XKR8: variants seen among roughly 807,000 people sequenced by gnomAD.
XKR8 encodes XK-related protein 8.
A neutral mutation model predicts 17.1 loss-of-function variants in XKR8; 10 were observed. The ratio of observed to expected loss-of-function variants is 0.59; its 90% CI spans 0.36 to 0.99. The LOEUF (loss-of-function observed/expected upper bound fraction) is 0.99. XKR8 is among the 50% of genes least tolerant of loss of function. XKR8 has a pLI of 0.01. For missense variants in XKR8, 411 were observed against 515.6 expected, an observed-to-expected ratio of 0.80 and a Z score of 1.96; for synonymous variants, 213 against 251.9, an observed-to-expected ratio of 0.85 and a Z score of 1.46.
chr1:27,963,511 T>TGCGGCAGGGGCTGCTGGTGTG lies in XKR8; in HGVS notation c.311_331dup (p.Arg104_Trp110dup), dbSNP rs1638510187. The TGCGGCAGGGGCTGCTGGTGTG allele has an allele frequency of 6.2e-7, 1 of 1,611,768 alleles. No homozygotes were observed. Among genetic ancestry groups the TGCGGCAGGGGCTGCTGGTGTG allele is most frequent in the Non-Finnish European group, 8.5e-7 (1 of 1,178,790 alleles). ...GTGGTGCCTAGGTGCGTGCAGGAGC[T>TGCGGCAGGGGCTGCTGGTGTG]GCGGCAGGGGCTGCTGGTGTGGCAG... On this transcript the variant is annotated inframe_insertion, in exon 2 of 3. Coordinates refer to ENST00000373884, the MANE Select transcript of XKR8 (RefSeq NM_018053.4).
In XKR8 at chr1:27,960,121, C is replaced by G. The variant is rs982982227; in HGVS notation, c.52C>G (p.Leu18Val). The G allele has an allele frequency of 8.0e-5, 122 of 1,516,798 alleles. No homozygotes were observed. Among genetic ancestry groups the G allele is most frequent in the Non-Finnish European group, 1.0e-4 (116 of 1,139,396 alleles). 94.0% of individuals were successfully genotyped at this position (1,516,798 alleles called of 1,614,324 possible). ...ALLRDLVLGVLGTAAFLLDLG... is the reference protein window; with the variant it reads ...ALLRDLVLGVVGTAAFLLDLG... ...CCTTCGGGACCTGGTCCTGGGCGTG[C>G]TGGGCACCGCCGCCTTCCTGCTCGA... The change falls in exon 1 of 3, where the codon CTG (leucine) becomes GTG (valine). Residue 18 changes from leucine to valine, a missense_variant. Leu to Val is a conservative substitution (Grantham distance 32, BLOSUM62 1). Coordinates refer to ENST00000373884, the MANE Select transcript of XKR8 (RefSeq NM_018053.4). The surrounding 1 kb of genome is among the most constrained non-coding windows in gnomAD (Gnocchi z 5.9).
At chr1:27,961,085 C>T (rs1019703129) in intron 1 of XKR8, among the ~76,000 whole-genome samples, 1 of 152,224 alleles carries the variant, frequency 6.6e-6, no homozygotes, top group African/African-American at 2.4e-5. Flanking sequence ...TCACAAAGGC[C>T]GCCTCTCACC....
rs921559896 is a variant in XKR8 at position 27,967,980 on chromosome 1, A to T, written c.*780A>T. 19 of 152,672 alleles carry T rather than the reference A, an allele frequency of 1.2e-4. No individual in the cohort carries two copies. Among genetic ancestry groups the T allele is most frequent in the African/African-American group, 4.3e-4 (18 of 41,502 alleles). The allele number at this position is 152,672 out of a possible 1,614,324, so 9.5% of individuals were successfully genotyped here. Reference sequence around the variant, plus strand: ...TTTTGCCTTAGCCAGTGTACCTCCTACCTCAGTCTATGTGAGAGGAAGAGA... The same window carrying T: ...TTTTGCCTTAGCCAGTGTACCTCCTTCCTCAGTCTATGTGAGAGGAAGAGA... On this transcript the variant is annotated 3_prime_UTR_variant, in exon 3 of 3. Transcript: ENST00000373884. This position sits in a 1 kb window ranked among gnomAD's most constrained non-coding sequence, Gnocchi z 4.3.
In XKR8 at chr1:27,960,103, G is replaced by A; in HGVS notation, c.34G>A (p.Asp12Asn). The A allele has an allele frequency of 4.0e-6, 6 of 1,497,638 alleles. No individual in the cohort carries two copies. The highest frequency in any genetic ancestry group is 5.3e-6 in the Non-Finnish European group (6 of 1,129,878). 92.8% of individuals were successfully genotyped at this position (1,497,638 alleles called of 1,614,324 possible). A position where few individuals can be genotyped will look rare whatever the true frequency, so the allele number is the denominator to read the frequency against. ...GTCGTCCCGCGGCGCCCTCCTTCGGGACCTGGTCCTGGGCGTGCTGGGCAC... is the reference window on the plus strand; with the variant it reads ...GTCGTCCCGCGGCGCCCTCCTTCGGAACCTGGTCCTGGGCGTGCTGGGCAC... ...PWSSRGALLR[D>N]LVLGVLGTAA... Residue 12 changes from aspartate (D) to asparagine (N), a missense_variant, in exon 1 of 3, where the codon GAC (aspartate) becomes AAC (asparagine). By Grantham distance (23) the Asp-to-Asn change is conservative. Coordinates refer to ENST00000373884, the MANE Select transcript of XKR8 (RefSeq NM_018053.4). This position sits in a 1 kb window ranked among gnomAD's most constrained non-coding sequence, Gnocchi z 5.9.
chr1:27,967,304 C>T lies in XKR8; in HGVS notation c.*104C>T, dbSNP rs1638597170. 7.7e-7 allele frequency: 1 copy of T among 1,297,256 alleles called. No individual in the cohort carries two copies. The highest frequency in any genetic ancestry group is 1.0e-6 in the Non-Finnish European group (1 of 958,034). 80.4% of individuals were successfully genotyped at this position (1,297,256 alleles called of 1,614,324 possible). ...GGATAAGCTAACGATGCTGCTGTGGCCTCTATGCACTCAGCAAGAGCGGGA... is the reference window on the plus strand; with the variant it reads ...GGATAAGCTAACGATGCTGCTGTGGTCTCTATGCACTCAGCAAGAGCGGGA... On this transcript the variant is annotated 3_prime_UTR_variant, in exon 3 of 3. Transcript: ENST00000373884. This position sits in a 1 kb window ranked among gnomAD's most constrained non-coding sequence, Gnocchi z 4.3.
rs756233301 is a variant in XKR8, at chr1:27,963,501, G to A, written c.298G>A (p.Val100Met). 20 of 1,609,744 alleles carry A rather than the reference G, an allele frequency of 1.2e-5. No homozygotes were observed. The highest frequency in any genetic ancestry group is 8.9e-5 in the East Asian group (4 of 44,902). Residue 100 changes from valine (V) to methionine (M), a missense_variant, in exon 2 of 3, where the codon GTG (valine) becomes ATG (methionine). Transcript: ENST00000373884. ...LLQLGYLYRC[V>M]QELRQGLLVW... Reference sequence around the variant, plus strand: ...GCATTTGTGTGTGGTGCCTAGGTGCGTGCAGGAGCTGCGGCAGGGGCTGCT... The same window carrying A: ...GCATTTGTGTGTGGTGCCTAGGTGCATGCAGGAGCTGCGGCAGGGGCTGCT...
chr1:27,965,599 C>T lies in XKR8; in HGVS notation c.491-904C>T, dbSNP rs190505918. ...GGGGAAGTGGGGCCTGTGCTTCTGGCGACCTAACATCCTGGGCAGAGCTTG... is the reference window on the plus strand; with the variant it reads ...GGGGAAGTGGGGCCTGTGCTTCTGGTGACCTAACATCCTGGGCAGAGCTTG... On this transcript the variant is annotated intron_variant, in intron 2 of 2. Transcript: ENST00000373884. The surrounding 1 kb of genome is among the most constrained non-coding windows in gnomAD (Gnocchi z 4.1). Among the ~76,000 whole-genome samples the T allele has an allele frequency of 6.6e-5, 10 of 152,128 alleles. No individual in the cohort carries two copies. The highest frequency in any genetic ancestry group is 5.2e-4 in the Admixed American group (8 of 15,264).
At position 27,960,043 on chromosome 1, in the gene XKR8, G is replaced by A; in HGVS notation, c.-27G>A. The A allele has an allele frequency of 7.1e-7, 1 of 1,399,468 alleles. No homozygotes were observed. The highest frequency in any genetic ancestry group is 9.2e-7 in the Non-Finnish European group (1 of 1,082,238). The allele number at this position is 1,399,468 out of a possible 1,614,324, so 86.7% of individuals were successfully genotyped here. A position where few individuals can be genotyped will look rare whatever the true frequency, so the allele number is the denominator to read the frequency against. ...GAGGGCAGGCCCCAACCGCGGAGGA[G>A]CAGGAGAGGGCGGAGGCCGGCGGGC... On this transcript the variant is annotated 5_prime_UTR_variant, in exon 1 of 3. Transcript: ENST00000373884. This position sits in a 1 kb window ranked among gnomAD's most constrained non-coding sequence, Gnocchi z 5.9.
In XKR8 at chr1:27,967,341, G is replaced by A; in HGVS notation, c.*141G>A. 2 of 973,232 alleles carry A rather than the reference G, an allele frequency of 2.1e-6. No homozygotes were observed. The highest frequency in any genetic ancestry group is 3.6e-5 in the South Asian group (2 of 54,862). The allele number at this position is 973,232 out of a possible 1,614,324, so 60.3% of individuals were successfully genotyped here. A position where few individuals can be genotyped will look rare whatever the true frequency, so the allele number is the denominator to read the frequency against. On this transcript the variant is annotated 3_prime_UTR_variant, in exon 3 of 3. Transcript: ENST00000373884. The surrounding 1 kb of genome is among the most constrained non-coding windows in gnomAD (Gnocchi z 4.3). The stretch of plus-strand genomic sequence containing the variant: ...CAGCAAGAGCGGGACGCCTGTGCTG[G>A]GCCGGGCACCAGGGATGGTGCTGAG...
At chr1:27,962,521 C>T (rs547794975) in intron 1 of XKR8, among the ~76,000 whole-genome samples, 3 of 151,626 alleles carry the variant, frequency 2.0e-5, no homozygotes, top group Admixed American at 1.3e-4. Context: ...TGCAGTGAGC[C>T]GAGTTTGTGC....
chr1:27,961,661 C>T (rs1638472098), intron 1 of XKR8, among the ~76,000 whole-genome samples: 1 of 152,236 alleles, frequency 6.6e-6, no homozygotes, highest in South Asian at 2.1e-4. Flanking sequence ...CTGTTCCTGC[C>T]TGTGAATTGG....
chr1:27,966,389 G>T lies in XKR8; in HGVS notation c.491-114G>T. 1 of 1,032,658 alleles carries T rather than the reference G, an allele frequency of 9.7e-7. No individual in the cohort carries two copies. 64.0% of individuals were successfully genotyped at this position (1,032,658 alleles called of 1,614,324 possible). A position where few individuals can be genotyped will look rare whatever the true frequency, so the allele number is the denominator to read the frequency against. ...TGCAGATTTGCCTTCAACAAACGAG[G>T]GATTCTAATACCTACCCCAGGGTTG... On this transcript the variant is annotated intron_variant, in intron 2 of 2. Coordinates refer to ENST00000373884, the MANE Select transcript of XKR8 (RefSeq NM_018053.4). This position sits in a 1 kb window ranked among gnomAD's most constrained non-coding sequence, Gnocchi z 4.3.
At chr1:27,961,690 C>G (rs1462880971) in intron 1 of XKR8, among the ~76,000 whole-genome samples, 2 of 152,198 alleles carry the variant, frequency 1.3e-5, no homozygotes, top group African/African-American at 4.8e-5. Context: ...GGGGTCCCTG[C>G]TAGGTCACTG....
intron 1 of XKR8, among the ~76,000 whole-genome samples, chr1:27,962,073 T>G (rs545851137): frequency 1.3e-5 from 2 of 151,994 alleles, no homozygotes; most frequent in Non-Finnish European, 2.9e-5. Context: ...CAAGGCAGAG[T>G]CTGATTCCAT....
At position 27,967,634 on chromosome 1, in the gene XKR8, T is replaced by G; in HGVS notation, c.*434T>G. ...AGGGGCTGTCCTCTAGAATTCTTCC[T>G]TCCCTCCCCCACACCATTCATTCAA... On this transcript the variant is annotated 3_prime_UTR_variant, in exon 3 of 3. Transcript: ENST00000373884. The surrounding 1 kb of genome is among the most constrained non-coding windows in gnomAD (Gnocchi z 4.3). 6.4e-6 allele frequency: 1 copy of G among 156,380 alleles called. No individual in the cohort carries two copies. Among genetic ancestry groups the G allele is most frequent in the Non-Finnish European group, 1.4e-5 (1 of 70,988 alleles). 9.7% of individuals were successfully genotyped at this position (156,380 alleles called of 1,614,324 possible). A position where few individuals can be genotyped will look rare whatever the true frequency, so the allele number is the denominator to read the frequency against.
rs1462712097 is a variant in XKR8, at chr1:27,966,972, G to C, written c.960G>C (p.Leu320=). 11 of 1,614,178 alleles carry C rather than the reference G, an allele frequency of 6.8e-6. No individual in the cohort carries two copies. Among genetic ancestry groups the C allele is most frequent in the Non-Finnish European group, 7.6e-6 (9 of 1,180,022 alleles). Residue 320 remains leucine (L), a synonymous_variant, in exon 3 of 3, where the codon CTG becomes CTC. Transcript: ENST00000373884. The surrounding 1 kb of genome is among the most constrained non-coding windows in gnomAD (Gnocchi z 4.3). ...LPSGIPLQLW[L]PVGCGCFFLG... ...GCGGGATTCCACTGCAGCTGTGGCT[G>C]CCTGTGGGATGCGGCTGCTTCTTTC...
At position 27,965,771 on chromosome 1, in the gene XKR8, T is replaced by C. The variant is rs560918970; in HGVS notation, c.491-732T>C. On this transcript the variant is annotated intron_variant, in intron 2 of 2. Coordinates refer to ENST00000373884, the MANE Select transcript of XKR8 (RefSeq NM_018053.4). This position sits in a 1 kb window ranked among gnomAD's most constrained non-coding sequence, Gnocchi z 4.1. ...AGGTTCCCAGTAAACATCTGTCGAA[T>C]GACTGCGGTGGACGGGGACAGGGGA... Among the ~76,000 whole-genome samples the C allele has an allele frequency of 6.6e-6, 1 of 152,290 alleles. No individual in the cohort carries two copies. Among genetic ancestry groups the C allele is most frequent in the East Asian group, 1.9e-4 (1 of 5,186 alleles).
rs1291845208 is a variant in XKR8 at position 27,965,109 on chromosome 1, C to T, written c.491-1394C>T. Among the ~76,000 whole-genome samples, 1 of 152,072 alleles carries T rather than the reference C, an allele frequency of 6.6e-6. No individual in the cohort carries two copies. Among genetic ancestry groups the T allele is most frequent in the African/African-American group, 2.4e-5 (1 of 41,402 alleles). Reference sequence around the variant, plus strand: ...CATCATTGCTCATGTTCACAGCAGCCCTGTAGGTTTGTGCTATATTGATCT... The same window carrying T: ...CATCATTGCTCATGTTCACAGCAGCTCTGTAGGTTTGTGCTATATTGATCT... On this transcript the variant is annotated intron_variant, in intron 2 of 2. Transcript: ENST00000373884. This position sits in a 1 kb window ranked among gnomAD's most constrained non-coding sequence, Gnocchi z 4.1.
Position 27,960,384 on chromosome 1 carries a change from G to A in XKR8, c.293+22G>A. The A allele has an allele frequency of 1.5e-6, 2 of 1,358,330 alleles. No homozygotes were observed. The highest frequency in any genetic ancestry group is 1.9e-6 in the Non-Finnish European group (2 of 1,060,102). 84.1% of individuals were successfully genotyped at this position (1,358,330 alleles called of 1,614,324 possible). ...ACAGGTGAGTGCTTCGCCCCGGGAGGGGAGGAGTGTCGGAGCCCAGCACCT... is the reference window on the plus strand; with the variant it reads ...ACAGGTGAGTGCTTCGCCCCGGGAGAGGAGGAGTGTCGGAGCCCAGCACCT... On this transcript the variant is annotated intron_variant, in intron 1 of 2. Transcript: ENST00000373884. This position sits in a 1 kb window ranked among gnomAD's most constrained non-coding sequence, Gnocchi z 5.9.
Sources: gnomAD v4.1 joint callset for allele counts (sites outside exome capture counted in the v4.1 genomes callset) on GRCh38, gnomAD v4.1.1 for gene constraint, Gnocchi (gnomAD v3.1) non-coding constraint, MANE v1.5 for transcripts, NCBI Gene and HGNC (gene_info 2026-07-23, HGNC 2026-07-21) for gene names.